The following SPMIP8 variants were observed in gnomAD, a reference collection of about 807,000 sequenced individuals.
The protein encoded by SPMIP8 is sperm microtubule inner protein 8, also known as testicular tissue protein Li 196.
At chr16:57,980,824 A>T in the SPMIP8 span, among the ~76,000 whole-genome samples, 2 of 152,060 alleles carry the variant, frequency 1.3e-5, no homozygotes, top group Non-Finnish European at 2.9e-5. Context: ...CCTCCTGAGT[A>T]GCTGGGACTA....
At chr16:57,976,816 T>C in the SPMIP8 span, among the ~76,000 whole-genome samples, 1 of 152,104 alleles carries the variant, frequency 6.6e-6, no homozygotes, top group Middle Eastern at 3.4e-3. Flanking sequence ...CACCTCCACC[T>C]CTCACCTCTA....
chr16:57,987,573 G>C, the SPMIP8 span: 4 of 862,990 alleles, frequency 4.6e-6, no homozygotes, highest in Non-Finnish European at 4.9e-6. Flanking sequence ...AGAGACACAC[G>C]CAATTGTCTC....
the SPMIP8 span, chr16:57,985,623 A>G: frequency 4.5e-5 from 68 of 1,504,614 alleles, no homozygotes; most frequent in African/African-American, 8.9e-4. Flanking sequence ...CCTAGCGCAC[A>G]GGCAATGCCC....
chr16:57,976,744 C>T, the SPMIP8 span: 32 of 1,288,890 alleles, frequency 2.5e-5, no homozygotes, highest in Non-Finnish European at 2.4e-5. Context: ...TGCCTTGTCA[C>T]CATGCCCCCT....
At chr16:57,985,434 C>T in the SPMIP8 span, 79 of 1,613,442 alleles carry the variant, frequency 4.9e-5, no homozygotes, top group African/African-American at 9.5e-4. Context: ...GGCAGGGCGT[C>T]CGTGCTCCCC....
the SPMIP8 span, chr16:57,987,608 G>T: frequency 1.6e-6 from 1 of 636,106 alleles, no homozygotes; most frequent in Non-Finnish European, 2.4e-6. Flanking sequence ...GCACAGCCTG[G>T]GAGAGGGTCA....
chr16:57,984,762 T>G, the SPMIP8 span: 2 of 1,608,422 alleles, frequency 1.2e-6, no homozygotes, highest in Non-Finnish European at 1.7e-6. Flanking sequence ...CTGGTCCCAC[T>G]TCGTGTCCTC....
At chr16:57,982,179 T>C in the SPMIP8 span, among the ~76,000 whole-genome samples, 1 of 152,172 alleles carries the variant, frequency 6.6e-6, no homozygotes, top group African/African-American at 2.4e-5. Context: ...AACATCCTTC[T>C]ACATGACACA....
chr16:57,981,602 C>T, the SPMIP8 span, among the ~76,000 whole-genome samples: 1 of 144,438 alleles, frequency 6.9e-6, no homozygotes, highest in Non-Finnish European at 1.5e-5. Flanking sequence ...ACTTCCGCCT[C>T]CCCGGTTCAA....
At chr16:57,980,213 A>G in the SPMIP8 span, among the ~76,000 whole-genome samples, 1 of 152,214 alleles carries the variant, frequency 6.6e-6, no homozygotes, top group Non-Finnish European at 1.5e-5. Flanking sequence ...GGGGTTGGGT[A>G]AGAGCTTTAT....
chr16:57,984,478 C>A, the SPMIP8 span: 1 of 1,524,238 alleles, frequency 6.6e-7, no homozygotes, highest in Non-Finnish European at 9.0e-7. Context: ...GGGACTCCCG[C>A]TCCCCACATC....
chr16:57,983,595 A>AT, the SPMIP8 span, among the ~76,000 whole-genome samples: 2,301 of 151,842 alleles, frequency 0.015, 58 homozygotes, highest in African/African-American at 0.053. Flanking sequence ...TTTATCTTAG[A>AT]TTTTTTTTAA....
At chr16:57,987,212 A>G in the SPMIP8 span, 1 of 495,490 alleles carries the variant, frequency 2.0e-6, no homozygotes, top group Non-Finnish European at 3.4e-6. Flanking sequence ...CAGTCAAAGG[A>G]GGGAGGTTAG....
chr16:57,979,216 G>T, the SPMIP8 span, among the ~76,000 whole-genome samples: 1 of 152,216 alleles, frequency 6.6e-6, no homozygotes, highest in African/African-American at 2.4e-5. Flanking sequence ...GGCCAAACAG[G>T]GGGAGTGCAG....
chr16:57,986,013 C>G, the SPMIP8 span: 4 of 1,516,854 alleles, frequency 2.6e-6, no homozygotes, highest in African/African-American at 2.8e-5. Context: ...AGCCTCGGGG[C>G]TCCCTGACTC....
At chr16:57,979,930 G>C in the SPMIP8 span, among the ~76,000 whole-genome samples, 1 of 152,142 alleles carries the variant, frequency 6.6e-6, no homozygotes, top group Non-Finnish European at 1.5e-5. Context: ...TAGCCGGGCG[G>C]GGTGGCGGGT....
chr16:57,979,134 C>G, the SPMIP8 span, among the ~76,000 whole-genome samples: 31 of 152,248 alleles, frequency 2.0e-4, no homozygotes, highest in African/African-American at 6.5e-4. Context: ...GAGGAGCTTG[C>G]GTGTGGAGGG....
At chr16:57,987,829 G>A in the SPMIP8 span, 9 of 185,716 alleles carry the variant, frequency 4.8e-5, no homozygotes, top group Admixed American at 1.9e-4. Context: ...TTCAGATCCT[G>A]AATTTGAGCC....
chr16:57,985,202 G>A, the SPMIP8 span: 13 of 1,524,406 alleles, frequency 8.5e-6, no homozygotes, highest in South Asian at 9.1e-5. Context: ...CTTTCTGTTC[G>A]CAGCGGAGGG....
Sources: allele counts gnomAD v4.1 joint callset (sites outside exome capture counted in the v4.1 genomes callset), GRCh38; gene constraint gnomAD v4.1.1; transcripts MANE v1.5; gene names NCBI Gene and HGNC (gene_info 2026-07-23, HGNC 2026-07-21).